Variants in ORC3 observed in about 807,000 individuals in gnomAD.
ORC3 encodes the protein origin recognition complex subunit 3.
A neutral mutation model predicts 100.7 loss-of-function variants in ORC3; 78 were observed. The observed-to-expected ratio is 0.77, with a 90% CI of 0.65 to 0.94. ORC3 has a LOEUF of 0.94. Among genes scored for constraint, ORC3 ranks in the 40% least tolerant of loss-of-function variants. The pLI is 0.00. For missense variants in ORC3, 789 were observed against 823.9 expected, an observed-to-expected ratio of 0.96 and a Z score of 0.52; for synonymous variants, 295 against 289.3, an observed-to-expected ratio of 1.02 and a Z score of -0.20.
intron 11 of ORC3, among the ~76,000 whole-genome samples, chr6:87,634,163 A>G (rs553926930): frequency 3.5e-4 from 54 of 152,272 alleles, no homozygotes; most frequent in Non-Finnish European, 7.2e-4. Context: ...TTAAGACACT[A>G]TCCCTCATGT....
chr6:87,677,497 G>A, the ORC3 span, among the ~76,000 whole-genome samples: 1 of 152,086 alleles, frequency 6.6e-6, no homozygotes, highest in Admixed American at 6.6e-5. Context: ...TATTTTAAAT[G>A]TCTACATTGA....
At chr6:87,643,635 T>C (rs532684262) in intron 13 of ORC3, among the ~76,000 whole-genome samples, 2 of 152,314 alleles carry the variant, frequency 1.3e-5, no homozygotes, top group South Asian at 4.1e-4. Flanking sequence ...TATTAAACAT[T>C]TACTGCCTAC....
chr6:87,644,576 C>G (rs1020067249), intron 13 of ORC3, among the ~76,000 whole-genome samples: 2 of 152,104 alleles, frequency 1.3e-5, no homozygotes, highest in Non-Finnish European at 2.9e-5. Flanking sequence ...TGGCACACGC[C>G]TATAGTCCCA....
chr6:87,626,295 A>G (rs938387404), intron 11 of ORC3, among the ~76,000 whole-genome samples: 1 of 152,020 alleles, frequency 6.6e-6, no homozygotes, highest in Non-Finnish European at 1.5e-5. Flanking sequence ...CATTTTCACG[A>G]TATTGATTCT....
chr6:87,636,353 A>T, intron 12 of ORC3, 54 bp from the exon 13 acceptor site: 1 of 1,029,294 alleles, frequency 9.7e-7, no homozygotes. Flanking sequence ...TTTTTGCCAA[A>T]CTAGTAGTGT....
At chr6:87,667,861 GGAGGTTGCAGTGAACT>G, downstream of ORC3, among the ~76,000 whole-genome samples, 1 of 152,242 alleles carries the variant, frequency 6.6e-6, no homozygotes, top group Non-Finnish European at 1.5e-5. Flanking sequence ...CCCGGGAGGC[GGAGGTTGCAGTGAACT>G]GAGATCGGCC....
chr6:87,617,023 C>T (rs1208706887), intron 9 of ORC3, among the ~76,000 whole-genome samples: 1 of 152,144 alleles, frequency 6.6e-6, no homozygotes, highest in Non-Finnish European at 1.5e-5. Flanking sequence ...GTCTCGAACT[C>T]CTGACCTCAG....
chr6:87,633,559 T>C (rs549485192), intron 11 of ORC3, among the ~76,000 whole-genome samples: 1 of 152,276 alleles, frequency 6.6e-6, no homozygotes, highest in Admixed American at 6.5e-5. Flanking sequence ...ATTTCCTAAG[T>C]GAGTTGGTGT....
the ORC3 span, chr6:87,677,736 A>G: frequency 6.7e-7 from 1 of 1,485,296 alleles, no homozygotes. Flanking sequence ...ACCAGTGTAT[A>G]GAAAGTGAAA....
the ORC3 span, among the ~76,000 whole-genome samples, chr6:87,676,470 A>AAAAAAAG: frequency 9.1e-6 from 1 of 110,026 alleles, no homozygotes; most frequent in Non-Finnish European, 1.9e-5. Context: ...AAAAAAAAAA[A>AAAAAAAG]ACGAGGCCGG....
At chr6:87,616,569 A>G in intron 9 of ORC3, 142 bp downstream of exon 9, 1 of 487,582 alleles carries the variant, frequency 2.1e-6, no homozygotes. Flanking sequence ...TCTAGGTTCT[A>G]CAATTCCTTT....
chr6:87,675,823 T>C, the ORC3 span: 2 of 1,578,190 alleles, frequency 1.3e-6, no homozygotes, highest in South Asian at 2.3e-5. Context: ...AAGACAGTCT[T>C]ATTTTCAGTT....
downstream of ORC3, among the ~76,000 whole-genome samples, chr6:87,671,028 G>A (rs1170267340): frequency 1.3e-5 from 2 of 152,224 alleles, no homozygotes; most frequent in East Asian, 3.8e-4. Context: ...TGTGGACAAG[G>A]TAGAGTGAGC....
At chr6:87,664,909 A>T in intron 18 of ORC3, 50 bp downstream of exon 18, 1 of 1,123,704 alleles carries the variant, frequency 8.9e-7, no homozygotes, top group Non-Finnish European at 1.3e-6. Context: ...ACCATCCATG[A>T]TGACTTTCTC....
intron 3 of ORC3, among the ~76,000 whole-genome samples, chr6:87,602,954 A>AATATATATATATATATATATATATATAT (rs397935596): frequency 1.9e-4 from 18 of 95,202 alleles, no homozygotes; most frequent in Admixed American, 5.5e-4. Flanking sequence ...ACACATATAT[A>AATATATATATATATATATATATATATAT]ATATATATAT....
At chr6:87,644,048 TG>T (rs1294824751) in intron 13 of ORC3, among the ~76,000 whole-genome samples, 2 of 146,470 alleles carry the variant, frequency 1.4e-5, no homozygotes, top group Non-Finnish European at 3.0e-5. Context: ...TCCACCAATG[TG>T]GGACCCACAG....
intron 8 of ORC3, among the ~76,000 whole-genome samples, chr6:87,614,480 C>G (rs1033342858): frequency 6.6e-6 from 1 of 152,204 alleles, no homozygotes; most frequent in Non-Finnish European, 1.5e-5. Flanking sequence ...ATTTCTGCAG[C>G]TGACTTGAAT....
At chr6:87,663,920 C>G (rs1715798235) in intron 17 of ORC3, among the ~76,000 whole-genome samples, 1 of 152,116 alleles carries the variant, frequency 6.6e-6, no homozygotes, top group African/African-American at 2.4e-5. Context: ...GTACTGGCTT[C>G]TCATTGCAAA....
chr6:87,608,961 T>G, intron 6 of ORC3, 135 bp from the exon 7 acceptor site: 1 of 589,306 alleles, frequency 1.7e-6, no homozygotes, highest in Non-Finnish European at 2.7e-6. Context: ...TGAGTTTCTA[T>G]TTATCGTGTG....
Sources: gnomAD v4.1 joint callset for allele counts (sites outside exome capture counted in the v4.1 genomes callset) on GRCh38, gnomAD v4.1.1 for gene constraint, MANE v1.5 for transcripts, NCBI Gene and HGNC (gene_info 2026-07-23, HGNC 2026-07-21) for gene names.